C11orf65: variants seen among roughly 807,000 people sequenced by gnomAD.
The protein encoded by C11orf65 is protein MFI.
Under a neutral mutation model 35.3 loss-of-function variants are expected in C11orf65, and 38 were observed. The observed-to-expected ratio is 1.08, with a 90% CI of 0.83 to 1.41. The LOEUF (loss-of-function observed/expected upper bound fraction) is 1.41, where lower values mean the gene tolerates loss of function less well. Among genes scored for constraint, C11orf65 ranks in the 40% most tolerant of loss-of-function variants. The probability of loss-of-function intolerance (pLI) is 0.00; values close to 1 mark genes in which losing one functional copy is unlikely to be tolerated. For missense variants in C11orf65, 370 were observed against 367.1 expected (o/e 1.01, Z -0.06); for synonymous variants, 105 against 114.4 (o/e 0.92, Z 0.53).
intron 2 of C11orf65, among the ~76,000 whole-genome samples, chr11:108,340,938 G>T (rs2087485485): frequency 6.6e-6 from 1 of 152,048 alleles, no homozygotes; most frequent in Non-Finnish European, 1.5e-5. Flanking sequence ...TTTTATTGAG[G>T]TTTTTTTGGT....
At chr11:108,429,817 G>A (rs2092959620) in intron 3 of C11orf65, among the ~76,000 whole-genome samples, 1 of 152,092 alleles carries the variant, frequency 6.6e-6, no homozygotes, top group Non-Finnish European at 1.5e-5. Context: ...CCTTAAGAAA[G>A]GAAAGAAATC....
intron 3 of C11orf65, among the ~76,000 whole-genome samples, chr11:108,411,456 T>C (rs1316787340): frequency 6.6e-6 from 1 of 152,216 alleles, no homozygotes; most frequent in Non-Finnish European, 1.5e-5. Flanking sequence ...TGTAGACATT[T>C]TGCAGTGTTG....
chr11:108,393,142 T>C lies in C11orf65; in HGVS notation c.731+66A>G, dbSNP rs1019631769. On this transcript the variant is annotated intron_variant, in intron 7 of 8. Coordinates refer to ENST00000393084, the MANE Select transcript of C11orf65 (RefSeq NM_152587.5). ...GTGGCCCCAAGATTCAACAAGGAAA[T>C]AGGAAATGTTAGAAAAAAACTATGA... 17 of 1,471,786 alleles carry C rather than the reference T, an allele frequency of 1.2e-5. No individual in the cohort carries two copies. In the Admixed American group the frequency reaches 1.4e-4, roughly 12 times the overall value. The allele number at this position is 1,471,786 out of a possible 1,614,324, so 91.2% of individuals were successfully genotyped here. A position where few individuals can be genotyped will look rare whatever the true frequency, so the allele number is the denominator to read the frequency against.
intron 6 of C11orf65, among the ~76,000 whole-genome samples, chr11:108,401,342 A>C (rs1212956376): frequency 1.3e-5 from 2 of 152,206 alleles, no homozygotes; most frequent in Non-Finnish European, 2.9e-5. Context: ...TGTGTAAACA[A>C]AAACTCAGCT....
At chr11:108,402,530 G>A (rs913258444) in intron 6 of C11orf65, among the ~76,000 whole-genome samples, 1 of 150,814 alleles carries the variant, frequency 6.6e-6, no homozygotes, top group East Asian at 1.9e-4. Flanking sequence ...CTGCCAGGGA[G>A]GTCTTCTGAT....
chr11:108,335,286 T>G, exon 3 of C11orf65: 1 of 1,515,840 alleles, frequency 6.6e-7, no homozygotes, highest in Non-Finnish European at 8.8e-7. Context: ...CCATTTTTTT[T>G]GTGTCTCTGA....
intron 2 of C11orf65, chr11:108,347,374 TA>T: frequency 6.4e-7 from 1 of 1,561,832 alleles, no homozygotes; most frequent in Non-Finnish European, 8.8e-7. Context: ...AGGTAAGTAA[TA>T]AAATCTATGT....
chr11:108,432,042 C>A (rs1364863927), intron 2 of C11orf65, among the ~76,000 whole-genome samples: 2 of 152,102 alleles, frequency 1.3e-5, no homozygotes, highest in East Asian at 3.8e-4. Flanking sequence ...GAGATTTATT[C>A]TTAAATTTGT....
chr11:108,325,613 C>T, intron 6 of C11orf65: 5 of 1,312,796 alleles, frequency 3.8e-6, no homozygotes, highest in Non-Finnish European at 5.4e-6. Context: ...AAACAGAAAG[C>T]CTGAGGGAAA....
chr11:108,354,070 AACACACACAC>A (rs71047689), intron 2 of C11orf65, among the ~76,000 whole-genome samples: 103 of 114,948 alleles, frequency 9.0e-4, no homozygotes, highest in Non-Finnish European at 1.3e-3. Context: ...CACACACACA[AACACACACAC>A]ACACACACAC....
downstream of C11orf65, chr11:108,329,233 A>G (rs752125292): frequency 6.2e-7 from 1 of 1,611,898 alleles, no homozygotes. Flanking sequence ...AAATTCAGAC[A>G]AACAGGTAAC....
chr11:108,395,020 A>C (rs1306860978), intron 6 of C11orf65, among the ~76,000 whole-genome samples: 1 of 152,108 alleles, frequency 6.6e-6, no homozygotes, highest in African/African-American at 2.4e-5. Flanking sequence ...AGTCCCAGCT[A>C]CTGGGGAGGC....
In C11orf65 at chr11:108,332,813, C is replaced by T. The variant is rs1555125305; in HGVS notation, c.300-1246G>A. ...AATATGTACTATCAGAAGTAGGAGACCTCAGATGGTCAGAAGTGTTGAGGC... is the reference window on the plus strand; with the variant it reads ...AATATGTACTATCAGAAGTAGGAGATCTCAGATGGTCAGAAGTGTTGAGGC... On this transcript the variant is annotated intron_variant, in intron 3 of 3. Transcript: ENST00000524755. 1 of 1,613,382 alleles carries T rather than the reference C, an allele frequency of 6.2e-7. No homozygotes were observed.
At chr11:108,376,258 G>C (rs1448929427) in intron 2 of C11orf65, among the ~76,000 whole-genome samples, 4 of 151,946 alleles carry the variant, frequency 2.6e-5, no homozygotes, top group African/African-American at 9.7e-5. Flanking sequence ...AAATGTAAAA[G>C]AACAGAAATT....
chr11:108,341,360 A>T (rs1455303034), intron 2 of C11orf65, among the ~76,000 whole-genome samples: 1 of 151,920 alleles, frequency 6.6e-6, no homozygotes, highest in East Asian at 1.9e-4. Flanking sequence ...CTCTTTTTTA[A>T]ACTTAAGTTT....
At chr11:108,467,851 G>GTC (rs2135829609), upstream of C11orf65, among the ~76,000 whole-genome samples, 1 of 152,162 alleles carries the variant, frequency 6.6e-6, no homozygotes, top group Admixed American at 6.5e-5. Context: ...TTGAGATAGG[G>GTC]TCTCAATCTG....
intron 1 of C11orf65, chr11:108,462,482 A>C (rs573041721): frequency 1.2e-4 from 19 of 152,374 alleles, no homozygotes; most frequent in African/African-American, 3.6e-4. Context: ...CCTAAGGTCA[A>C]ATAGTGAGTA....
At chr11:108,325,759 C>T (rs891026944) in intron 6 of C11orf65, among the ~76,000 whole-genome samples, 1 of 152,072 alleles carries the variant, frequency 6.6e-6, no homozygotes, top group African/African-American at 2.4e-5. Context: ...CCTCAATTTC[C>T]TGGTTATAAA....
chr11:108,388,494 T>C (rs1018230377), intron 7 of C11orf65, among the ~76,000 whole-genome samples: 2 of 152,178 alleles, frequency 1.3e-5, no homozygotes, highest in African/African-American at 4.8e-5. Context: ...TTTAACACTT[T>C]AAGAGCTCAG....
Sources: allele counts gnomAD v4.1 joint callset (sites outside exome capture counted in the v4.1 genomes callset), GRCh38; gene constraint gnomAD v4.1.1; transcripts MANE v1.5; gene names NCBI Gene and HGNC (gene_info 2026-07-23, HGNC 2026-07-21).